ZNF676: variants seen among roughly 807,000 people sequenced by gnomAD.
ZNF676 encodes zinc finger protein 676.
A neutral mutation model predicts 6.0 loss-of-function variants in ZNF676; 4 were observed. The observed-to-expected ratio is 0.67, with a 90% CI of 0.33 to 1.53. The LOEUF (loss-of-function observed/expected upper bound fraction) is 1.53. ZNF676 is among the 40% of genes most tolerant of loss of function. ZNF676 has a pLI of 0.06. For synonymous variants in ZNF676, 198 were observed against 223.1 expected, an observed-to-expected ratio of 0.89 and a Z score of 1.00; for missense variants, 644 against 679.7, an observed-to-expected ratio of 0.95 and a Z score of 0.58.
At chr19:22,224,116 A>T in the ZNF676 span, among the ~76,000 whole-genome samples, 1 of 149,988 alleles carries the variant, frequency 6.7e-6, no homozygotes. Flanking sequence ...CCTGCCTTCC[A>T]TGAGTACACA....
At chr19:22,236,731 G>A in the ZNF676 span, among the ~76,000 whole-genome samples, 1 of 152,094 alleles carries the variant, frequency 6.6e-6, no homozygotes, top group Non-Finnish European at 1.5e-5. Flanking sequence ...TGACCTAGAA[G>A]TTTTCTGCTT....
chr19:22,240,223 G>A, the ZNF676 span, among the ~76,000 whole-genome samples: 21 of 149,888 alleles, frequency 1.4e-4, 1 homozygote, highest in African/African-American at 4.6e-4. Context: ...AGGCAGAAGA[G>A]CCACAGCACC....
chr19:22,211,826 C>T (rs965703534), intron 1 of ZNF676, among the ~76,000 whole-genome samples: 4 of 152,192 alleles, frequency 2.6e-5, no homozygotes, highest in African/African-American at 7.2e-5. Context: ...ATAGCCAAAA[C>T]GGAAGAAAAA....
intron 2 of ZNF676, among the ~76,000 whole-genome samples, chr19:22,185,278 G>GACT (rs1168716528): frequency 6.6e-6 from 1 of 152,122 alleles, no homozygotes; most frequent in Non-Finnish European, 1.5e-5. Flanking sequence ...AGGGAGGCCT[G>GACT]ACTGTTAAAA....
At chr19:22,253,366 G>GTATA in the ZNF676 span, among the ~76,000 whole-genome samples, 307 of 63,494 alleles carry the variant, frequency 4.8e-3, 18 homozygotes, top group Admixed American at 0.035. Context: ...GTGTGTGTGT[G>GTATA]TGTGTGTATA....
intron 1 of ZNF676, among the ~76,000 whole-genome samples, chr19:22,202,088 T>A (rs945964616): frequency 6.6e-6 from 1 of 152,104 alleles, no homozygotes; most frequent in African/African-American, 2.4e-5. Flanking sequence ...AATTTGGAGC[T>A]GCAAATTCAG....
upstream of ZNF676, among the ~76,000 whole-genome samples, chr19:22,217,422 C>T (rs1217295051): frequency 6.6e-6 from 1 of 151,988 alleles, no homozygotes; most frequent in Non-Finnish European, 1.5e-5. Flanking sequence ...AGGCTTGTCT[C>T]GAACTCCCAA....
At chr19:22,198,649 TCAC>T (rs923293814), upstream of ZNF676, among the ~76,000 whole-genome samples, 2 of 152,154 alleles carry the variant, frequency 1.3e-5, no homozygotes, top group African/African-American at 4.8e-5. Context: ...CTACCTGCTG[TCAC>T]CACATCCACA....
chr19:22,211,390 C>CG (rs2024128442), intron 1 of ZNF676, among the ~76,000 whole-genome samples: 4 of 152,092 alleles, frequency 2.6e-5, no homozygotes, highest in African/African-American at 9.7e-5. Flanking sequence ...CCTTAGCTTG[C>CG]AGTCATTGGG....
chr19:22,240,983 A>G, the ZNF676 span, among the ~76,000 whole-genome samples: 1 of 151,962 alleles, frequency 6.6e-6, no homozygotes, highest in Non-Finnish European at 1.5e-5. Context: ...GGACAGTGCA[A>G]TATGTCAAAA....
chr19:22,191,197 T>C lies in ZNF676; in HGVS notation c.130+1819A>G, dbSNP rs565088256. ...AGAGCTTTGAGATCCAGTGAGGGAA[T>C]TGTGAAACTTTGCTAAAGCCCAAGA... On this transcript the variant is annotated intron_variant, in intron 2 of 2. Coordinates refer to ENST00000397121, the MANE Select transcript of ZNF676 (RefSeq NM_001001411.3). Among the ~76,000 whole-genome samples the C allele has an allele frequency of 5.9e-5, 9 of 152,280 alleles. No individual in the cohort carries two copies. The South Asian group carries it at 8.3e-4, about 14-fold the overall frequency.
At position 22,181,136 on chromosome 19, in the gene ZNF676, T is replaced by C. The variant is rs1052368661; in HGVS notation, c.581A>G (p.Glu194Gly). The C allele has an allele frequency of 1.2e-6, 2 of 1,613,846 alleles. No individual in the cohort carries two copies. Among genetic ancestry groups the C allele is most frequent in the Non-Finnish European group, 8.5e-7 (1 of 1,179,974 alleles). ...ACATTCTTCACATTTGTAGGGTTTC[T>C]CTCCAGTATGAATACTCTTATAATA... The part of the protein sequence containing the change: ...LTYYKSIHTG[E>G]KPYKCEECGK... Residue 194 changes from glutamate (E) to glycine (G), a missense_variant, in exon 3 of 3, where the codon GAG becomes GGG. Around this residue, in one of 5 missense-constraint regions of ZNF676, gnomAD observed 280 missense variants for 269.3 expected, o/e 1.04. Transcript: ENST00000397121.
intron 1 of ZNF676, among the ~76,000 whole-genome samples, chr19:22,194,309 A>G (rs918642922): frequency 2.0e-5 from 3 of 152,168 alleles, no homozygotes; most frequent in African/African-American, 7.2e-5. Context: ...AATGCTTACC[A>G]TAATTCTAAC....
the ZNF676 span, among the ~76,000 whole-genome samples, chr19:22,227,817 A>C: frequency 6.6e-6 from 1 of 152,202 alleles, no homozygotes; most frequent in Admixed American, 6.5e-5. Flanking sequence ...GGAAGAAGTC[A>C]AATCCCTGAA....
At chr19:22,215,185 A>T (rs1052827329) in intron 1 of ZNF676, among the ~76,000 whole-genome samples, 11 of 152,146 alleles carry the variant, frequency 7.2e-5, no homozygotes, top group Admixed American at 2.0e-4. Context: ...TACAATCCAT[A>T]GTTGGGTGCT....
chr19:22,211,384 A>G (rs535396470), intron 1 of ZNF676, among the ~76,000 whole-genome samples: 20 of 152,242 alleles, frequency 1.3e-4, no homozygotes, highest in African/African-American at 4.1e-4. Flanking sequence ...AATTAACCTT[A>G]GCTTGCAGTC....
chr19:22,194,873 C>T (rs543075068), intron 1 of ZNF676, among the ~76,000 whole-genome samples: 1 of 152,234 alleles, frequency 6.6e-6, no homozygotes, highest in African/African-American at 2.4e-5. Flanking sequence ...ACGATTAGAT[C>T]TCCCAGTCAG....
chr19:22,228,087 T>G, the ZNF676 span, among the ~76,000 whole-genome samples: 1 of 152,178 alleles, frequency 6.6e-6, no homozygotes, highest in African/African-American at 2.4e-5. Flanking sequence ...CTGATGAACA[T>G]TGATGTGAAA....
the ZNF676 span, among the ~76,000 whole-genome samples, chr19:22,253,326 C>A: frequency 6.8e-6 from 1 of 146,134 alleles, no homozygotes; most frequent in Non-Finnish European, 1.5e-5. Flanking sequence ...CTTTGTATCA[C>A]CTGAGGGATA....
Sources: allele counts gnomAD v4.1 joint callset (sites outside exome capture counted in the v4.1 genomes callset), GRCh38; gene constraint gnomAD v4.1.1; regional missense constraint gnomAD v4.1.1; transcripts MANE v1.5; gene names NCBI Gene and HGNC (gene_info 2026-07-23, HGNC 2026-07-21).